Variants in TBL1X observed in about 807,000 individuals in gnomAD.
TBL1X encodes the protein transducin beta like 1 X-linked, also known as F-box-like/WD repeat-containing protein TBL1X.
TBL1X carries 10 observed loss-of-function variants against 50.7 expected under a neutral mutation model. That is an observed-to-expected ratio of 0.20 (90% confidence interval 0.12 to 0.33). The LOEUF is 0.33. TBL1X is among the 10% of genes least tolerant of loss of function. TBL1X has a pLI of 1.00. For missense variants in TBL1X, 340 were observed against 504.4 expected (o/e 0.67, Z 3.12); for synonymous variants, 190 against 214.7 (o/e 0.88, Z 1.01).
In TBL1X at chrX:9,691,727, T is replaced by G. The variant is rs763373205; in HGVS notation, c.749+16T>G. The G allele has an allele frequency of 6.6e-5, 79 of 1,204,870 alleles. No homozygotes were observed. The African/African-American group carries it at 1.1e-3, about 16-fold the overall frequency. On this transcript the variant is annotated intron_variant, in intron 8 of 17. Coordinates refer to ENST00000645353, the MANE Select transcript of TBL1X (RefSeq NM_005647.4). ...TAGCCTCCGGGTAAGGATGTCAGGG[T>G]GGGGGGCGCTCCAGAGTTGGGGAGA...
upstream of TBL1X, among the ~76,000 whole-genome samples, chrX:9,464,195 G>T (rs2081754553): frequency 9.0e-6 from 1 of 111,308 alleles, no homozygotes; most frequent in South Asian, 3.8e-4. Context: ...AAGGAGCGCT[G>T]GGGACTTAGG....
chrX:9,514,591 T>C (rs2082072500), intron 2 of TBL1X, among the ~76,000 whole-genome samples: 1 of 112,161 alleles, frequency 8.9e-6, no homozygotes, highest in African/African-American at 3.2e-5. Flanking sequence ...ATGATTTCTT[T>C]TGATTAATTA....
At chrX:9,540,806 A>G (rs1016346759) in intron 2 of TBL1X, among the ~76,000 whole-genome samples, 1 of 112,217 alleles carries the variant, frequency 8.9e-6, no homozygotes, top group African/African-American at 3.2e-5. Context: ...CAATTTAGTG[A>G]CAAGCCCCAG....
chrX:9,648,735 CCTT>C (rs1373801006), intron 3 of TBL1X, among the ~76,000 whole-genome samples: 1 of 112,394 alleles, frequency 8.9e-6, no homozygotes, highest in African/African-American at 3.2e-5. Flanking sequence ...TTTGCAGTGA[CCTT>C]CTCTGTGCTT....
intron 16 of TBL1X, among the ~76,000 whole-genome samples, chrX:9,711,994 T>C (rs1198439015): frequency 8.9e-6 from 1 of 112,048 alleles, no homozygotes; most frequent in East Asian, 2.8e-4. Context: ...AGGAAGGGCG[T>C]CGTGTCCACC....
chrX:9,541,921 ATCTTTTTTCTTT>A lies in TBL1X; in HGVS notation c.-131+40086_-131+40097del, dbSNP rs764600034. Among the ~76,000 whole-genome samples the A allele has an allele frequency of 7.4e-3, 803 of 108,674 alleles. 3 individuals are homozygous for A. Among genetic ancestry groups the A allele is most frequent in the Non-Finnish European group, 0.011 (573 of 52,363 alleles). 94.4% of individuals were successfully genotyped at this position (108,674 alleles called of 115,157 possible). On this transcript the variant is annotated intron_variant, in intron 2 of 17. Transcript: ENST00000645353. ...AATTAATTGCCTGATCCACCTTCAT[ATCTTTTTTCTTT>A]TCTTTTTTCTTTTTTTTTTTTTTTA...
chrX:9,674,829 C>T (rs2082983595), intron 5 of TBL1X, among the ~76,000 whole-genome samples: 1 of 110,020 alleles, frequency 9.1e-6, no homozygotes, highest in Admixed American at 9.6e-5. Flanking sequence ...ATCCTTCCAC[C>T]TCGACCTTGC....
intron 2 of TBL1X, among the ~76,000 whole-genome samples, chrX:9,632,235 G>C (rs760513659): frequency 1.8e-5 from 2 of 111,492 alleles, no homozygotes; most frequent in African/African-American, 3.3e-5. Flanking sequence ...CCTTAACTGA[G>C]AGTTTTACAA....
intron 5 of TBL1X, among the ~76,000 whole-genome samples, chrX:9,659,185 C>T (rs943302015): frequency 3.6e-5 from 4 of 111,735 alleles, no homozygotes; most frequent in African/African-American, 6.5e-5. Flanking sequence ...GGAAGGAATG[C>T]GCGGAGCTGG....
At chrX:9,556,699 A>G (rs2082302117) in intron 2 of TBL1X, among the ~76,000 whole-genome samples, 1 of 110,786 alleles carries the variant, frequency 9.0e-6, no homozygotes, top group Non-Finnish European at 1.9e-5. Context: ...ATAAGTTCCA[A>G]ATGGGTCTTA....
chrX:9,710,738 G>A, intron 15 of TBL1X, among the ~76,000 whole-genome samples: 1 of 111,997 alleles, frequency 8.9e-6, no homozygotes, highest in Non-Finnish European at 1.9e-5. Flanking sequence ...TTTAATTCTT[G>A]TTTGATTAAA....
At position 9,719,253 on chromosome X, in the gene TBL1X, C is replaced by T. The variant is rs1252545417; in HGVS notation, c.*3007C>T. 2 of 112,202 alleles carry T rather than the reference C, an allele frequency of 1.8e-5. No homozygotes were observed. The highest frequency in any genetic ancestry group is 3.8e-5 in the Non-Finnish European group (2 of 53,199). The allele number at this position is 112,202 out of a possible 1,213,427, so 9.2% of individuals were successfully genotyped here. On this transcript the variant is annotated 3_prime_UTR_variant, in exon 18 of 18. Coordinates refer to ENST00000645353, the MANE Select transcript of TBL1X (RefSeq NM_005647.4). ...GGGGGACCAAAAGGGCCGGACGTTA[C>T]AGGGTGAAACCCTCTGACCCCTCGC...
chrX:9,710,001 G>A (rs2083235377), intron 15 of TBL1X, among the ~76,000 whole-genome samples: 1 of 111,857 alleles, frequency 8.9e-6, no homozygotes, highest in Non-Finnish European at 1.9e-5. Context: ...AAGGCAGGAC[G>A]ATGGCTTGAG....
chrX:9,584,665 G>T (rs2082459169), intron 2 of TBL1X, among the ~76,000 whole-genome samples: 1 of 112,359 alleles, frequency 8.9e-6, no homozygotes, highest in African/African-American at 3.2e-5. Context: ...AAATCTGTGA[G>T]AATGTGTATA....
At chrX:9,666,234 A>G (rs1466558157) in intron 5 of TBL1X, among the ~76,000 whole-genome samples, 3 of 111,568 alleles carry the variant, frequency 2.7e-5, no homozygotes, top group African/African-American at 6.5e-5. Context: ...TAGAAACTAC[A>G]TGCTCTCCTG....
chrX:9,626,059 C>T (rs1274398579), intron 2 of TBL1X, among the ~76,000 whole-genome samples: 4 of 112,131 alleles, frequency 3.6e-5, no homozygotes, highest in Admixed American at 9.4e-5. Flanking sequence ...AGTAAAAGGT[C>T]TCCTTGTCTT....
intron 2 of TBL1X, among the ~76,000 whole-genome samples, chrX:9,626,695 G>T (rs182224523): frequency 2.3e-3 from 255 of 112,509 alleles, no homozygotes; most frequent in Middle Eastern, 4.6e-3. Flanking sequence ...CAGCATCATT[G>T]CTATTCAGGC....
intron 5 of TBL1X, among the ~76,000 whole-genome samples, chrX:9,666,087 A>G (rs1179045102): frequency 8.9e-6 from 1 of 111,749 alleles, no homozygotes; most frequent in Non-Finnish European, 1.9e-5. Flanking sequence ...TTGCAGTGGA[A>G]TGCAGGGTAA....
At position 9,630,659 on chromosome X, in the gene TBL1X, C is replaced by T. The variant is rs188340179; in HGVS notation, c.-130-9614C>T. ...GGGTCTTGCTAAGCTCACTGCAGCCCCTTCCTCCCGGGCTCAGGTGATCCT... is the reference window on the plus strand; with the variant it reads ...GGGTCTTGCTAAGCTCACTGCAGCCTCTTCCTCCCGGGCTCAGGTGATCCT... On this transcript the variant is annotated intron_variant, in intron 2 of 17. Coordinates refer to ENST00000645353, the MANE Select transcript of TBL1X (RefSeq NM_005647.4). Among the ~76,000 whole-genome samples, 4 of 110,984 alleles carry T rather than the reference C, an allele frequency of 3.6e-5. No individual in the cohort carries two copies. In the Admixed American group the frequency reaches 3.8e-4, roughly 11 times the overall value.
Sources: allele counts gnomAD v4.1 joint callset (sites outside exome capture counted in the v4.1 genomes callset), GRCh38; gene constraint gnomAD v4.1.1; transcripts MANE v1.5; gene names NCBI Gene and HGNC (gene_info 2026-07-23, HGNC 2026-07-21).